Variants in PRKCA observed in about 807,000 individuals in gnomAD.
PRKCA encodes protein kinase C alpha type.
In PRKCA, 27 loss-of-function variants were observed where a neutral mutation model predicts 87.0. The observed-to-expected ratio is 0.31, with a 90% CI of 0.23 to 0.43. PRKCA has a LOEUF of 0.43. Ranked by LOEUF, PRKCA falls within the 20% of genes least tolerant of loss-of-function variation. The pLI is 1.00. For synonymous variants in PRKCA, 329 were observed against 311.1 expected (o/e 1.06, Z -0.61); for missense variants, 518 against 852.3 (o/e 0.61, Z 4.88).
intron 14 of PRKCA, among the ~76,000 whole-genome samples, chr17:66,786,223 C>T (rs987708404): frequency 6.6e-6 from 1 of 152,224 alleles, no homozygotes; most frequent in Non-Finnish European, 1.5e-5. Context: ...CCACCTGACT[C>T]TAAAGCCACA....
intron 10 of PRKCA, among the ~76,000 whole-genome samples, chr17:66,735,955 C>T (rs61760359): frequency 0.012 from 1,627 of 139,122 alleles, 15 homozygotes; most frequent in South Asian, 0.019. Context: ...GGATCTCACT[C>T]TCTCGCCCAG....
chr17:66,471,177 A>G (rs1037467657), intron 2 of PRKCA, among the ~76,000 whole-genome samples: 2 of 152,204 alleles, frequency 1.3e-5, no homozygotes, highest in African/African-American at 4.8e-5. Context: ...ATTTTGTTCT[A>G]TAAGTAGCAT....
At chr17:66,688,516 G>T in intron 7 of PRKCA, 80 bp downstream of exon 7, 1 of 1,556,270 alleles carries the variant, frequency 6.4e-7, no homozygotes, top group Non-Finnish European at 8.8e-7. Context: ...TCAAATGTCA[G>T]TTGAGGCTGG....
chr17:66,796,087 G>A (rs867263168), intron 16 of PRKCA, among the ~76,000 whole-genome samples: 17 of 152,282 alleles, frequency 1.1e-4, no homozygotes, highest in South Asian at 6.2e-4. Context: ...GGTGAAAGGG[G>A]TCCCAATCCC....
intron 16 of PRKCA, among the ~76,000 whole-genome samples, chr17:66,798,132 G>A (rs563813240): frequency 7.2e-5 from 11 of 152,230 alleles, no homozygotes; most frequent in South Asian, 2.1e-4. Flanking sequence ...TTCACTTGGC[G>A]TTCATGCAGT....
At chr17:66,781,681 CAG>C (rs1305583545) in intron 14 of PRKCA, among the ~76,000 whole-genome samples, 1 of 151,964 alleles carries the variant, frequency 6.6e-6, no homozygotes, top group Non-Finnish European at 1.5e-5. Context: ...TGGTGGCTGT[CAG>C]GGGCTGAGAG....
At chr17:66,621,835 C>T (rs1200549970) in intron 3 of PRKCA, among the ~76,000 whole-genome samples, 3 of 152,162 alleles carry the variant, frequency 2.0e-5, no homozygotes, top group African/African-American at 7.2e-5. Context: ...TCCTCTAATG[C>T]ATTTCCTCTG....
At chr17:66,661,081 T>G (rs1971888115) in intron 5 of PRKCA, among the ~76,000 whole-genome samples, 1 of 152,174 alleles carries the variant, frequency 6.6e-6, no homozygotes, top group Non-Finnish European at 1.5e-5. Flanking sequence ...CTCTTCTTTC[T>G]CCATACTGCC....
rs1266616091 is a variant in PRKCA, at chr17:66,808,314, T to C, written c.*4277T>C. ...ACATTTCGGAGGGTTTTTTTTGTTT[T>C]TGTTCCTGTTTTTTTTTTTTTTGCT... On this transcript the variant is annotated 3_prime_UTR_variant, in exon 17 of 17. Transcript: ENST00000413366. 1 of 118,822 alleles carries C rather than the reference T, an allele frequency of 8.4e-6. No homozygotes were observed. Among genetic ancestry groups the C allele is most frequent in the Admixed American group, 8.4e-5 (1 of 11,974 alleles). 7.4% of individuals were successfully genotyped at this position (118,822 alleles called of 1,614,324 possible).
intron 2 of PRKCA, among the ~76,000 whole-genome samples, chr17:66,321,922 C>T (rs189625333): frequency 6.6e-6 from 1 of 152,336 alleles, no homozygotes; most frequent in Admixed American, 6.5e-5. Context: ...ATGCTATCCA[C>T]ATCCTGAAGT....
chr17:66,611,903 G>A (rs923294271), intron 3 of PRKCA, among the ~76,000 whole-genome samples: 6 of 152,012 alleles, frequency 3.9e-5, no homozygotes, highest in Admixed American at 6.5e-5. Context: ...TTTGATTTGC[G>A]TTTCCCTATG....
rs1972704373 is a variant in PRKCA, at chr17:66,688,937, C to T, written c.822-14C>T. ...AACTTGCGGTGGTAACTCTTCTTCT[C>T]CCGTCCTTGAAAGGTACAAGTTGCT... On this transcript the variant is annotated splice_polypyrimidine_tract_variant and intron_variant, in intron 7 of 16. Coordinates refer to ENST00000413366, the MANE Select transcript of PRKCA (RefSeq NM_002737.3). 1 of 1,539,614 alleles carries T rather than the reference C, an allele frequency of 6.5e-7. No homozygotes were observed. Among genetic ancestry groups the T allele is most frequent in the Non-Finnish European group, 9.0e-7 (1 of 1,115,852 alleles).
At chr17:66,655,498 G>A (rs1430970628) in intron 5 of PRKCA, among the ~76,000 whole-genome samples, 3 of 152,160 alleles carry the variant, frequency 2.0e-5, no homozygotes, top group African/African-American at 7.2e-5. Flanking sequence ...CCTTTAGGAA[G>A]CCTCTCCTCA....
intron 3 of PRKCA, among the ~76,000 whole-genome samples, chr17:66,622,887 A>G (rs1970730381): frequency 6.6e-6 from 1 of 152,078 alleles, no homozygotes; most frequent in African/African-American, 2.4e-5. Context: ...ATCATCTACC[A>G]CCAGGTCCCT....
At chr17:66,684,525 G>A (rs1384245572) in intron 5 of PRKCA, among the ~76,000 whole-genome samples, 1 of 152,148 alleles carries the variant, frequency 6.6e-6, no homozygotes, top group African/African-American at 2.4e-5. Flanking sequence ...TTGAAATTTG[G>A]ACCCACTATT....
At chr17:66,702,321 A>G (rs1005672696) in intron 8 of PRKCA, among the ~76,000 whole-genome samples, 1 of 152,210 alleles carries the variant, frequency 6.6e-6, no homozygotes. Flanking sequence ...GAAATAAACC[A>G]GACACAGAAA....
At chr17:66,555,998 C>CT (rs1374262546) in intron 3 of PRKCA, among the ~76,000 whole-genome samples, 2 of 147,252 alleles carry the variant, frequency 1.4e-5, no homozygotes, top group Non-Finnish European at 3.0e-5. Flanking sequence ...TTTTTTTTTT[C>CT]TTTTTAAAGA....
chr17:66,545,360 C>T (rs568454697), intron 3 of PRKCA, among the ~76,000 whole-genome samples: 15 of 152,278 alleles, frequency 9.9e-5, no homozygotes, highest in Admixed American at 2.6e-4. Context: ...ACCCAAAAGG[C>T]GGAGCTTGCA....
intron 2 of PRKCA, among the ~76,000 whole-genome samples, chr17:66,461,024 G>C (rs966761220): frequency 1.3e-5 from 2 of 151,992 alleles, no homozygotes; most frequent in African/African-American, 4.8e-5. Context: ...TGGGCGACAA[G>C]GCAAAACCCC....
Sources: allele counts gnomAD v4.1 joint callset (sites outside exome capture counted in the v4.1 genomes callset), GRCh38; gene constraint gnomAD v4.1.1; transcripts MANE v1.5; gene names NCBI Gene and HGNC (gene_info 2026-07-23, HGNC 2026-07-21).